Variants in RAB27B observed in about 807,000 individuals in gnomAD.
RAB27B encodes the protein ras-related protein Rab-27B.
A neutral mutation model predicts 24.6 loss-of-function variants in RAB27B; 15 were observed. The observed-to-expected ratio is 0.61, with a 90% confidence interval of 0.41 to 0.94. RAB27B has a LOEUF of 0.94. Among genes scored for constraint, RAB27B ranks in the 40% least tolerant of loss-of-function variants. RAB27B has a pLI of 0.00. For synonymous variants in RAB27B, 105 were observed against 92.5 expected, an observed-to-expected ratio of 1.14 and a Z score of -0.78; for missense variants, 261 against 266.8, an observed-to-expected ratio of 0.98 and a Z score of 0.15.
chr18:54,831,913 C>T (rs1198047761), intron 1 of RAB27B, among the ~76,000 whole-genome samples: 1 of 152,014 alleles, frequency 6.6e-6, no homozygotes, highest in African/African-American at 2.4e-5. Context: ...ATAGCTGGGA[C>T]TACAGGCATG....
At chr18:54,870,515 G>A (rs933328701) in intron 1 of RAB27B, among the ~76,000 whole-genome samples, 4 of 152,140 alleles carry the variant, frequency 2.6e-5, no homozygotes, top group African/African-American at 7.2e-5. Context: ...GCCAGTGAAA[G>A]TGGATAAGAA....
At chr18:54,811,658 T>A (rs995620820) in intron 2 of RAB27B, among the ~76,000 whole-genome samples, 2 of 152,206 alleles carry the variant, frequency 1.3e-5, no homozygotes, top group Non-Finnish European at 2.9e-5. Flanking sequence ...GTCCTACACC[T>A]GTGAAGATCA....
chr18:54,774,410 C>G (rs1326866327), intron 2 of RAB27B, among the ~76,000 whole-genome samples: 1 of 152,124 alleles, frequency 6.6e-6, no homozygotes, highest in African/African-American at 2.4e-5. Flanking sequence ...GGTAAGAAAA[C>G]AGAAGCTCAT....
chr18:54,851,210 T>G (rs1052350063), intron 1 of RAB27B, among the ~76,000 whole-genome samples: 1 of 152,214 alleles, frequency 6.6e-6, no homozygotes, highest in Non-Finnish European at 1.5e-5. Flanking sequence ...GTGCATCACA[T>G]GTATTATTCA....
chr18:54,888,253 G>T (rs1913226835), intron 5 of RAB27B, 135 bp downstream of exon 5: 1 of 941,050 alleles, frequency 1.1e-6, no homozygotes. Context: ...CTTTCAGAGA[G>T]ATATATATGA....
intron 2 of RAB27B, among the ~76,000 whole-genome samples, chr18:54,738,994 T>C (rs2145006213): frequency 6.6e-6 from 1 of 152,334 alleles, no homozygotes; most frequent in Non-Finnish European, 1.5e-5. Context: ...AATATGCTAT[T>C]TGTCACTGCA....
intron 2 of RAB27B, among the ~76,000 whole-genome samples, chr18:54,789,275 C>A (rs2145107482): frequency 1.3e-5 from 2 of 152,156 alleles, no homozygotes; most frequent in Middle Eastern, 3.4e-3. Flanking sequence ...ATACCATTGG[C>A]TTTATGCTGT....
chr18:54,877,813 T>C, intron 2 of RAB27B, 75 bp downstream of exon 2: 1 of 1,430,580 alleles, frequency 7.0e-7, no homozygotes, highest in Non-Finnish European at 9.3e-7. Flanking sequence ...GCTATGTTTA[T>C]TGCATTGGAG....
At chr18:54,811,166 AG>A (rs1350341084) in intron 2 of RAB27B, among the ~76,000 whole-genome samples, 1 of 152,054 alleles carries the variant, frequency 6.6e-6, no homozygotes. Flanking sequence ...AAAGTTTTAG[AG>A]GGGGGAAGAG....
chr18:54,880,925 AC>A (rs563089356), intron 3 of RAB27B: 68 of 152,254 alleles, frequency 4.5e-4, no homozygotes, highest in African/African-American at 1.6e-3. Flanking sequence ...AACAAGATAA[AC>A]AATGCCTCAC....
At chr18:54,847,559 A>G (rs1911388030) in intron 1 of RAB27B, among the ~76,000 whole-genome samples, 1 of 152,204 alleles carries the variant, frequency 6.6e-6, no homozygotes, top group East Asian at 1.9e-4. Flanking sequence ...TCCCTTCTCC[A>G]AGTCCTTGAC....
chr18:54,822,955 A>G (rs1346331268), intron 2 of RAB27B, among the ~76,000 whole-genome samples: 1 of 152,192 alleles, frequency 6.6e-6, no homozygotes, highest in African/African-American at 2.4e-5. Flanking sequence ...AATAATCTCA[A>G]ATGAGGTCCA....
chr18:54,782,588 T>C (rs1355435443), intron 2 of RAB27B, among the ~76,000 whole-genome samples: 1 of 152,222 alleles, frequency 6.6e-6, no homozygotes, highest in Non-Finnish European at 1.5e-5. Flanking sequence ...TCATTGATGG[T>C]CATATAAATA....
At chr18:54,749,468 TC>T (rs924607201) in intron 2 of RAB27B, among the ~76,000 whole-genome samples, 2 of 152,082 alleles carry the variant, frequency 1.3e-5, no homozygotes, top group Non-Finnish European at 1.5e-5. Context: ...CTGGGGTATA[TC>T]CTCAGCCAAA....
At chr18:54,779,754 A>C (rs1278535775) in intron 2 of RAB27B, among the ~76,000 whole-genome samples, 1 of 152,190 alleles carries the variant, frequency 6.6e-6, no homozygotes, top group Non-Finnish European at 1.5e-5. Flanking sequence ...GGCTTCCGTA[A>C]TGAAATACTA....
At chr18:54,739,780 G>T (rs537071251) in intron 2 of RAB27B, among the ~76,000 whole-genome samples, 2 of 151,924 alleles carry the variant, frequency 1.3e-5, no homozygotes, top group African/African-American at 2.4e-5. Flanking sequence ...TCAGCATTTC[G>T]TATTCTTAAT....
chr18:54,769,352 T>C (rs1207219142), intron 2 of RAB27B, among the ~76,000 whole-genome samples: 1 of 152,186 alleles, frequency 6.6e-6, no homozygotes, highest in African/African-American at 2.4e-5. Flanking sequence ...TAAAATGCCA[T>C]CTGATGATTA....
At chr18:54,758,289 A>G (rs1016734674) in intron 2 of RAB27B, among the ~76,000 whole-genome samples, 3 of 152,168 alleles carry the variant, frequency 2.0e-5, no homozygotes, top group Non-Finnish European at 4.4e-5. Flanking sequence ...CATTCAATGT[A>G]CTTAATACTT....
At chr18:54,847,093 C>T (rs1262434149) in intron 1 of RAB27B, among the ~76,000 whole-genome samples, 2 of 152,150 alleles carry the variant, frequency 1.3e-5, no homozygotes, top group Non-Finnish European at 2.9e-5. Flanking sequence ...TCAAGTGATC[C>T]GCCCACCTCA....
Sources: gnomAD v4.1 joint callset for allele counts (sites outside exome capture counted in the v4.1 genomes callset) on GRCh38, gnomAD v4.1.1 for gene constraint, MANE v1.5 for transcripts, NCBI Gene and HGNC (gene_info 2026-07-23, HGNC 2026-07-21) for gene names.